DCAF8L2: variants seen among roughly 807,000 people sequenced by gnomAD.
The protein encoded by DCAF8L2 is DDB1 and CUL4 associated factor 8 like 2, also known as DDB1- and CUL4-associated factor 8-like protein 2.
For synonymous variants in DCAF8L2, 200 were observed against 190.9 expected (o/e 1.05, Z -0.39); for missense variants, 430 against 490.7 (o/e 0.88, Z 1.17).
intron 2 of DCAF8L2, among the ~76,000 whole-genome samples, chrX:27,674,770 G>A (rs762298453): frequency 6.4e-4 from 71 of 111,499 alleles, no homozygotes; most frequent in African/African-American, 1.2e-3. Context: ...AGCAGGCCGC[G>A]GTTGTAGAAA....
At chrX:27,570,192 C>T in the DCAF8L2 span, among the ~76,000 whole-genome samples, 1 of 110,669 alleles carries the variant, frequency 9.0e-6, no homozygotes, top group African/African-American at 3.3e-5. Flanking sequence ...TTCCTTACCT[C>T]TAAAAGTTAT....
intron 2 of DCAF8L2, among the ~76,000 whole-genome samples, chrX:27,650,490 T>A (rs892628454): frequency 8.9e-6 from 1 of 112,359 alleles, no homozygotes; most frequent in Non-Finnish European, 1.9e-5. Context: ...TGTTTTGCAG[T>A]TCTCCTTGTA....
chrX:27,648,530 T>G, intron 2 of DCAF8L2, among the ~76,000 whole-genome samples: 1 of 107,688 alleles, frequency 9.3e-6, no homozygotes, highest in East Asian at 2.9e-4. Context: ...TATTTATATA[T>G]ATATATATAT....
chrX:27,485,431 G>T, the DCAF8L2 span, among the ~76,000 whole-genome samples: 1 of 108,310 alleles, frequency 9.2e-6, no homozygotes, highest in East Asian at 2.8e-4. Flanking sequence ...TCATTTTTAG[G>T]TAGTTGATAT....
In DCAF8L2 at chrX:27,653,058, T is replaced by C. The variant is rs183365558; in HGVS notation, c.-220+21058T>C. 7.0e-4 allele frequency among the ~76,000 whole-genome samples: 78 copies of C among 111,928 alleles called. 1 individual carries two copies. Among genetic ancestry groups the C allele is most frequent in the Middle Eastern group, 9.3e-3 (2 of 214 alleles). On this transcript the variant is annotated intron_variant, in intron 2 of 4. Coordinates refer to ENST00000451261, the MANE Select transcript of DCAF8L2 (RefSeq NM_001353450.2). ...CCTAATGCATTAATTCACAGTATAA[T>C]TGACTTAACAATGTTGTTCTTTTGT...
At chrX:27,506,231 G>A in the DCAF8L2 span, among the ~76,000 whole-genome samples, 2 of 111,355 alleles carry the variant, frequency 1.8e-5, no homozygotes, top group African/African-American at 3.3e-5. Flanking sequence ...TCAAATCTTT[G>A]TCAAAAATGA....
chrX:27,538,243 T>A, the DCAF8L2 span, among the ~76,000 whole-genome samples: 16 of 111,838 alleles, frequency 1.4e-4, no homozygotes, highest in East Asian at 3.9e-3. Flanking sequence ...TATTTTTAAT[T>A]ACCTGTATAC....
chrX:27,470,030 A>G, the DCAF8L2 span, among the ~76,000 whole-genome samples: 1 of 111,515 alleles, frequency 9.0e-6, no homozygotes, highest in Non-Finnish European at 1.9e-5. Context: ...GGCTTCCCAA[A>G]GTGCTGGGAT....
intron 1 of DCAF8L2, among the ~76,000 whole-genome samples, chrX:27,598,914 A>T (rs951574141): frequency 9.4e-6 from 1 of 106,951 alleles, no homozygotes; most frequent in Non-Finnish European, 1.9e-5. Flanking sequence ...TGTTGGAAGG[A>T]ATGTAAAACG....
At chrX:27,470,936 T>C in the DCAF8L2 span, among the ~76,000 whole-genome samples, 1 of 111,596 alleles carries the variant, frequency 9.0e-6, no homozygotes, top group Non-Finnish European at 1.9e-5. Flanking sequence ...TTTGATTGGT[T>C]GGTTGATTAC....
intron 3 of DCAF8L2, among the ~76,000 whole-genome samples, chrX:27,701,209 T>C (rs1042356713): frequency 3.6e-5 from 4 of 110,733 alleles, no homozygotes; most frequent in Admixed American, 2.9e-4. Context: ...TTTTAAAGAG[T>C]CCAAAGAAAC....
intron 3 of DCAF8L2, chrX:27,712,480 C>T (rs1377076413): frequency 8.9e-6 from 1 of 111,990 alleles, no homozygotes. Context: ...GTTTTCCCTA[C>T]ATATGCATGT....
At chrX:27,534,880 C>G in the DCAF8L2 span, among the ~76,000 whole-genome samples, 1 of 111,642 alleles carries the variant, frequency 9.0e-6, no homozygotes, top group African/African-American at 3.3e-5. Context: ...GCTTTCTTCT[C>G]AATTTTCCAT....
At chrX:27,719,379 A>T (rs1486608859) in intron 4 of DCAF8L2, among the ~76,000 whole-genome samples, 1 of 110,823 alleles carries the variant, frequency 9.0e-6, no homozygotes, top group Non-Finnish European at 1.9e-5. Context: ...AATATAAAAC[A>T]TATATAAAGA....
chrX:27,518,512 G>C, the DCAF8L2 span: 1 of 379,608 alleles, frequency 2.6e-6, no homozygotes, highest in Admixed American at 4.0e-5. Context: ...GGCCGAGGCA[G>C]GCGGATCACG....
chrX:27,542,987 TA>T, the DCAF8L2 span, among the ~76,000 whole-genome samples: 1 of 112,280 alleles, frequency 8.9e-6, no homozygotes, highest in African/African-American at 3.2e-5. Context: ...CTTTTTAGTT[TA>T]ATTAGATCCC....
At chrX:27,595,284 T>C (rs1342796990) in intron 1 of DCAF8L2, among the ~76,000 whole-genome samples, 2 of 111,824 alleles carry the variant, frequency 1.8e-5, no homozygotes, top group Non-Finnish European at 3.8e-5. Context: ...TTTTATTTCC[T>C]TTTGGAAGTC....
At chrX:27,713,752 A>G (rs1019795373) in intron 3 of DCAF8L2, among the ~76,000 whole-genome samples, 1 of 111,639 alleles carries the variant, frequency 9.0e-6, no homozygotes, top group Non-Finnish European at 1.9e-5. Context: ...CTGCAACCAT[A>G]GGTAACATGT....
intron 2 of DCAF8L2, among the ~76,000 whole-genome samples, chrX:27,635,873 G>A (rs866289898): frequency 2.1e-4 from 22 of 106,635 alleles, no homozygotes; most frequent in African/African-American, 3.1e-4. Context: ...GTGCACTGGC[G>A]CCATCTTGGC....
Sources: allele counts gnomAD v4.1 joint callset (sites outside exome capture counted in the v4.1 genomes callset), GRCh38; gene constraint gnomAD v4.1.1; transcripts MANE v1.5; gene names NCBI Gene and HGNC (gene_info 2026-07-23, HGNC 2026-07-21).